The following VPS39 variants were observed in gnomAD, a reference collection of about 807,000 sequenced individuals.
VPS39 encodes the protein vam6/Vps39-like protein.
In VPS39, 70 loss-of-function variants were observed where a neutral mutation model predicts 121.0. That is an observed-to-expected ratio of 0.58 (90% CI 0.48 to 0.71). The LOEUF (loss-of-function observed/expected upper bound fraction) is 0.71. Ranked by LOEUF, VPS39 falls within the 30% of genes least tolerant of loss-of-function variation. VPS39 has a pLI of 0.00. For missense variants in VPS39, 818 were observed against 1,051.5 expected, an observed-to-expected ratio of 0.78 and a Z score of 3.07; for synonymous variants, 378 against 398.1, an observed-to-expected ratio of 0.95 and a Z score of 0.60.
intron 1 of VPS39, among the ~76,000 whole-genome samples, chr15:42,207,576 A>C (rs1208716454): frequency 6.6e-6 from 1 of 152,202 alleles, no homozygotes; most frequent in Non-Finnish European, 1.5e-5. Context: ...AGCTAACTAC[A>C]TGAGTTCCCT....
intron 3 of VPS39, 120 bp from the exon 4 acceptor site, chr15:42,191,287 G>T: frequency 8.0e-7 from 1 of 1,257,096 alleles, no homozygotes; most frequent in South Asian, 1.3e-5. Flanking sequence ...GGATCTCACT[G>T]ATTTTTCTGG....
At chr15:42,160,968 G>A in intron 24 of VPS39, 139 bp from the exon 25 acceptor site, 6 of 741,542 alleles carry the variant, frequency 8.1e-6, no homozygotes, top group Non-Finnish European at 1.4e-5. Flanking sequence ...AGAACAGCCT[G>A]CCTGAGGGGC....
At chr15:42,204,836 A>G (rs1364188808) in intron 1 of VPS39, among the ~76,000 whole-genome samples, 1 of 151,894 alleles carries the variant, frequency 6.6e-6, no homozygotes, top group Non-Finnish European at 1.5e-5. Flanking sequence ...TTATCTTTCC[A>G]TTGTTTCTCT....
At chr15:42,161,540 G>T in intron 24 of VPS39, 142 bp downstream of exon 24, 1 of 853,498 alleles carries the variant, frequency 1.2e-6, no homozygotes, top group African/African-American at 1.6e-5. Flanking sequence ...GCTCTCTGAA[G>T]GCTCAAGAAC....
intron 2 of VPS39, chr15:42,192,173 T>C: frequency 6.9e-7 from 1 of 1,459,794 alleles, no homozygotes. Flanking sequence ...ATGACAAAAA[T>C]ATTCAGCCTC....
At chr15:42,192,077 G>C in intron 2 of VPS39, 2 of 1,536,404 alleles carry the variant, frequency 1.3e-6, no homozygotes, top group Non-Finnish European at 1.7e-6. Context: ...GCCGCTTTCA[G>C]GTGATGCTAC....
chr15:42,163,234 A>G (rs2140834467), intron 21 of VPS39, 116 bp downstream of exon 21: 1 of 1,273,702 alleles, frequency 7.9e-7, no homozygotes, highest in Non-Finnish European at 1.1e-6. Flanking sequence ...TGCAAGATCA[A>G]TCAGAGCCCT....
chr15:42,178,506 C>T lies in VPS39; in HGVS notation c.783G>A (p.Pro261=), dbSNP rs138294459. 413 of 1,613,980 alleles carry T rather than the reference C, an allele frequency of 2.6e-4. 1 individual carries two copies. The highest frequency in any genetic ancestry group is 3.2e-4 in the Non-Finnish European group (382 of 1,180,030). Reference sequence around the variant, plus strand: ...ATTCAATGCTTTGGACCAGAAGCCTCGGTTCAAATGTTCGGATCTCAACAT... The same window carrying T: ...ATTCAATGCTTTGGACCAGAAGCCTTGGTTCAAATGTTCGGATCTCAACAT... The part of the protein sequence containing the change: ...PRYVEIRTFE[P]RLLVQSIELQ... Residue 261 remains proline, a synonymous_variant, in exon 9 of 25, where the codon CCG becomes CCA. Coordinates refer to ENST00000318006, the MANE Select transcript of VPS39 (RefSeq NM_015289.5).
At chr15:42,207,979 G>A in intron 1 of VPS39, 102 bp downstream of exon 1, 3 of 1,300,682 alleles carry the variant, frequency 2.3e-6, no homozygotes, top group Non-Finnish European at 3.2e-6. Flanking sequence ...GCATCCAACC[G>A]AAGCCCACAC....
rs1169710185 is a variant in VPS39 at position 42,161,793 on chromosome 15, G to C, written c.2461-20C>G. Reference sequence around the variant, plus strand: ...CTGGACCTGGAAGAACAGGGGGATTGAGGAAGAAGTTCTACAGTGTGGCAC... The same window carrying C: ...CTGGACCTGGAAGAACAGGGGGATTCAGGAAGAAGTTCTACAGTGTGGCAC... On this transcript the variant is annotated intron_variant, in intron 23 of 24. Coordinates refer to ENST00000318006, the MANE Select transcript of VPS39 (RefSeq NM_015289.5). 1.2e-6 allele frequency: 2 copies of C among 1,613,216 alleles called. No individual in the cohort carries two copies. The highest frequency in any genetic ancestry group is 2.7e-5 in the African/African-American group (2 of 74,918).
chr15:42,205,022 A>C (rs1196700836), intron 1 of VPS39, among the ~76,000 whole-genome samples: 1 of 152,182 alleles, frequency 6.6e-6, no homozygotes, highest in Non-Finnish European at 1.5e-5. Context: ...TCTAAGCCTT[A>C]GGTCTTTCTT....
intron 2 of VPS39, among the ~76,000 whole-genome samples, chr15:42,197,332 G>C (rs181051577): frequency 1.8e-4 from 23 of 131,158 alleles, no homozygotes; most frequent in African/African-American, 6.5e-4. Context: ...TAATTAAAAA[G>C]AGTGGAAAAA....
chr15:42,187,715 A>G, intron 6 of VPS39, 43 bp downstream of exon 6: 1 of 1,584,656 alleles, frequency 6.3e-7, no homozygotes, highest in South Asian at 1.1e-5. Context: ...GAGCCACTGC[A>G]GCAGCTCCCA....
At chr15:42,199,713 A>T in intron 2 of VPS39, 183 bp downstream of exon 2, 1 of 593,542 alleles carries the variant, frequency 1.7e-6, no homozygotes. Context: ...TCCCAAATGC[A>T]GGTAGGGCAA....
intron 1 of VPS39, among the ~76,000 whole-genome samples, chr15:42,205,394 G>C (rs755337182): frequency 6.6e-6 from 1 of 152,202 alleles, no homozygotes; most frequent in Non-Finnish European, 1.5e-5. Context: ...CATTTCAGCA[G>C]AGAACTGAGT....
intron 2 of VPS39, among the ~76,000 whole-genome samples, chr15:42,194,133 C>T (rs1359774518): frequency 6.6e-6 from 1 of 152,060 alleles, no homozygotes; most frequent in Admixed American, 6.6e-5. Flanking sequence ...TAACCAAGAA[C>T]ACTTTTAAGT....
chr15:42,175,217 G>A (rs2049426065), intron 10 of VPS39, among the ~76,000 whole-genome samples: 3 of 151,872 alleles, frequency 2.0e-5, no homozygotes, highest in African/African-American at 7.3e-5. Flanking sequence ...AGACCATCCT[G>A]GCCAACATGG....
In VPS39 at chr15:42,167,479, G is replaced by C; in HGVS notation, c.1292C>G (p.Pro431Arg). The C allele has an allele frequency of 6.2e-7, 1 of 1,614,102 alleles. No individual in the cohort carries two copies. The highest frequency in any genetic ancestry group is 8.5e-7 in the Non-Finnish European group (1 of 1,180,018). Residue 431 changes from proline (P) to arginine (R), a missense_variant, in exon 13 of 25, where the codon CCG becomes CGG. Transcript: ENST00000318006. ...NDSDHQSSTS[P>R]LMEGTPTIKS... Reference sequence around the variant, plus strand: ...GATGGTGGGAGTGCCTTCCATGAGCGGTGAGGTGCTTGACTGGTGATCAGA... The same window carrying C: ...GATGGTGGGAGTGCCTTCCATGAGCCGTGAGGTGCTTGACTGGTGATCAGA...
chr15:42,161,783 C>G lies in VPS39; in HGVS notation c.2461-10G>C. 6.2e-7 allele frequency: 1 copy of G among 1,614,004 alleles called. No individual in the cohort carries two copies. Among genetic ancestry groups the G allele is most frequent in the Non-Finnish European group, 8.5e-7 (1 of 1,179,962 alleles). The stretch of plus-strand genomic sequence containing the variant: ...TCCGCTCTTCCTGGACCTGGAAGAA[C>G]AGGGGGATTGAGGAAGAAGTTCTAC... On this transcript the variant is annotated splice_polypyrimidine_tract_variant and intron_variant, in intron 23 of 24. Coordinates refer to ENST00000318006, the MANE Select transcript of VPS39 (RefSeq NM_015289.5).
Sources: allele counts gnomAD v4.1 joint callset (sites outside exome capture counted in the v4.1 genomes callset), GRCh38; gene constraint gnomAD v4.1.1; transcripts MANE v1.5; gene names NCBI Gene and HGNC (gene_info 2026-07-23, HGNC 2026-07-21).